The following KDM5B variants were observed in gnomAD, a reference collection of about 807,000 sequenced individuals.
KDM5B encodes lysine demethylase 5B.
KDM5B carries 144 observed loss-of-function variants against 193.4 expected under a neutral mutation model. The observed-to-expected ratio is 0.74, with a 90% CI of 0.65 to 0.86. The LOEUF (loss-of-function observed/expected upper bound fraction) is 0.86. Among genes scored for constraint, KDM5B ranks in the 40% least tolerant of loss-of-function variants. The probability of loss-of-function intolerance (pLI) is 0.00; values close to 1 mark genes in which losing one functional copy is unlikely to be tolerated. For missense variants in KDM5B, 1,833 were observed against 1,886.9 expected, an observed-to-expected ratio of 0.97 and a Z score of 0.53; for synonymous variants, 668 against 682.6, an observed-to-expected ratio of 0.98 and a Z score of 0.33.
In KDM5B at chr1:202,742,756, G is replaced by C; in HGVS notation, c.2373C>G (p.Phe791Leu). The stretch of plus-strand genomic sequence containing the variant: ...GGTGTCGCAAAAGATCATTGTCTGG[G>C]AATTTCTTCATTTCAGATTCTTCAA... Reference protein sequence around the residue: ...ALIEESEMKKFPDNDLLRHLR... With the variant: ...ALIEESEMKKLPDNDLLRHLR... Residue 791 changes from phenylalanine (F) to leucine (L), a missense_variant, in exon 17 of 27, where the codon TTC becomes TTG. Physicochemically the swap from Phe to Leu is conservative, Grantham distance 22. This residue lies in a region of KDM5B where 1,379 missense variants were observed against 1,349.6 expected (regional missense o/e 1.02). Transcript: ENST00000367265. The C allele has an allele frequency of 6.2e-7, 1 of 1,614,084 alleles. No homozygotes were observed. Among genetic ancestry groups the C allele is most frequent in the African/African-American group, 1.3e-5 (1 of 75,042 alleles).
rs190467340 is a variant in KDM5B at position 202,726,069 on chromosome 1, A to T, written c.*2967T>A. 1 of 151,788 alleles carries T rather than the reference A, an allele frequency of 6.6e-6. No individual in the cohort carries two copies. The highest frequency in any genetic ancestry group is 2.4e-5 in the African/African-American group (1 of 41,364). 9.4% of individuals were successfully genotyped at this position (151,788 alleles called of 1,614,324 possible). On this transcript the variant is annotated 3_prime_UTR_variant, in exon 27 of 27. Transcript: ENST00000367265. ...AGCCATGTTTCACCCTCTTCCAGGT[A>T]GAGATCTACTCTATTCTTAGGCTAA...
intron 5 of KDM5B, among the ~76,000 whole-genome samples, chr1:202,764,749 G>T (rs552012550): frequency 6.6e-6 from 1 of 152,344 alleles, no homozygotes; most frequent in South Asian, 2.1e-4. Flanking sequence ...GGGGGCCAAG[G>T]CAGGTGGATC....
At chr1:202,740,039 C>T (rs1223841946) in intron 20 of KDM5B, among the ~76,000 whole-genome samples, 2 of 152,180 alleles carry the variant, frequency 1.3e-5, no homozygotes, top group Non-Finnish European at 2.9e-5. Context: ...CCTCACATCC[C>T]AGTAGGGGCA....
chr1:202,741,532 C>T lies in KDM5B; in HGVS notation c.2780G>A (p.Cys927Tyr), dbSNP rs746062374. 7 of 1,614,118 alleles carry T rather than the reference C, an allele frequency of 4.3e-6. No individual in the cohort carries two copies. Among genetic ancestry groups the T allele is most frequent in the Non-Finnish European group, 5.9e-6 (7 of 1,180,048 alleles). Residue 927 changes from cysteine (C) to tyrosine (Y), a missense_variant, in exon 19 of 27, where the codon TGC becomes TAC. Coordinates refer to ENST00000367265, the MANE Select transcript of KDM5B (RefSeq NM_006618.5). ...TAAAGTAAGGGAGCTGGGGTCTAGG[C>T]AAGCTTGCTGCACCTCTTCTAGCCA... is the stretch of plus-strand genomic sequence containing the variant. Reference protein sequence around the residue: ...ARWLEEVQQACLDPSSLTLDD... With the variant: ...ARWLEEVQQAYLDPSSLTLDD...
chr1:202,731,954 A>T lies in KDM5B; in HGVS notation c.3910-15T>A, dbSNP rs1335661065. 3 of 1,537,236 alleles carry T rather than the reference A, an allele frequency of 2.0e-6. No homozygotes were observed. The African/African-American group carries it at 4.1e-5, about 21-fold the overall frequency. On this transcript the variant is annotated splice_polypyrimidine_tract_variant and intron_variant, in intron 23 of 26. Transcript: ENST00000367265. Reference sequence around the variant, plus strand: ...GGTTGAGATACCTAATGGAGGGAAAACGTTTTATAATAAAATCTCTTCAGG... The same window carrying T: ...GGTTGAGATACCTAATGGAGGGAAATCGTTTTATAATAAAATCTCTTCAGG...
chr1:202,740,483 G>T (rs1452654618), intron 20 of KDM5B, among the ~76,000 whole-genome samples, 191 bp downstream of exon 20: 1 of 141,474 alleles, frequency 7.1e-6, no homozygotes, highest in Admixed American at 7.0e-5. Flanking sequence ...CCTCCCGGAC[G>T]GGGCGGCTGG....
At chr1:202,782,838 A>C (rs1348962349) in intron 1 of KDM5B, among the ~76,000 whole-genome samples, 1 of 152,190 alleles carries the variant, frequency 6.6e-6, no homozygotes, top group Non-Finnish European at 1.5e-5. Flanking sequence ...TAAATTCCTC[A>C]CTGAGATTAT....
chr1:202,743,162 A>T (rs907035663), intron 16 of KDM5B, among the ~76,000 whole-genome samples: 3 of 152,014 alleles, frequency 2.0e-5, no homozygotes, highest in Non-Finnish European at 4.4e-5. Flanking sequence ...CACAAGCAAG[A>T]TCTCCTCTCT....
chr1:202,749,554 C>A (rs1049029569), intron 13 of KDM5B, among the ~76,000 whole-genome samples: 4 of 151,648 alleles, frequency 2.6e-5, no homozygotes, highest in Admixed American at 6.6e-5. Context: ...GAGACTGTCT[C>A]GAAAAAATTT....
At chr1:202,798,981 C>T (rs1657965052) in intron 1 of KDM5B, among the ~76,000 whole-genome samples, 1 of 152,136 alleles carries the variant, frequency 6.6e-6, no homozygotes, top group Non-Finnish European at 1.5e-5. Context: ...GATTGCACCA[C>T]TGCACTCCAG....
Position 202,742,778 on chromosome 1 carries a change from T to C in KDM5B, c.2351A>G (p.Glu784Gly), listed in dbSNP as rs1160277243. Residue 784 changes from glutamate (E) to glycine (G), a missense_variant, in exon 17 of 27, where the codon GAA (glutamate) becomes GGA (glycine). By Grantham distance (98) the Glu-to-Gly change is moderately conservative. This residue lies in a region of KDM5B where 1,379 missense variants were observed against 1,349.6 expected (regional missense o/e 1.02). Coordinates refer to ENST00000367265, the MANE Select transcript of KDM5B (RefSeq NM_006618.5). The part of the protein sequence containing the change: ...KSLVSFKALI[E>G]ESEMKKFPDN... The stretch of plus-strand genomic sequence containing the variant: ...TGGGAATTTCTTCATTTCAGATTCT[T>C]CAATTAAAGCCTTGAAGCTGACAAG... The C allele has an allele frequency of 1.2e-6, 2 of 1,614,008 alleles. No individual in the cohort carries two copies. The highest frequency in any genetic ancestry group is 2.7e-5 in the African/African-American group (2 of 74,928).
Position 202,749,145 on chromosome 1 carries a change from T to G in KDM5B, c.1822-6A>C, listed in dbSNP as rs770544602. ...CACTGTCGGCCTAATGGCAGCTGTA[T>G]CAAAACACGGAAAGAAAAAAATAAC... On this transcript the variant is annotated splice_polypyrimidine_tract_variant and splice_region_variant and intron_variant, in intron 13 of 26. Coordinates refer to ENST00000367265, the MANE Select transcript of KDM5B (RefSeq NM_006618.5). 1 of 1,603,444 alleles carries G rather than the reference T, an allele frequency of 6.2e-7. No homozygotes were observed. The highest frequency in any genetic ancestry group is 1.1e-5 in the South Asian group (1 of 89,394).
chr1:202,731,659 A>G (rs1010000587), intron 24 of KDM5B, among the ~76,000 whole-genome samples, 169 bp downstream of exon 24: 18 of 152,196 alleles, frequency 1.2e-4, no homozygotes, highest in Admixed American at 2.0e-4. Flanking sequence ...CTTTGCATTT[A>G]TAAGCCTTCA....
intron 1 of KDM5B, chr1:202,806,386 TACAGTGTGAA>T (rs1478070948): frequency 6.6e-6 from 1 of 152,220 alleles, no homozygotes; most frequent in Non-Finnish European, 1.5e-5. Context: ...GCTACATTAC[TACAGTGTGAA>T]ACATGACCTA....
intron 13 of KDM5B, 89 bp from the exon 14 acceptor site, chr1:202,749,228 A>C: frequency 1.7e-6 from 2 of 1,158,972 alleles, no homozygotes; most frequent in Non-Finnish European, 2.4e-6. Flanking sequence ...ATTACCAAAC[A>C]TCACACTATG....
intron 20 of KDM5B, among the ~76,000 whole-genome samples, chr1:202,737,007 G>T (rs1167249958): frequency 6.6e-6 from 1 of 152,038 alleles, no homozygotes; most frequent in African/African-American, 2.4e-5. Flanking sequence ...TGGTCCCTTT[G>T]TTCTATTTAT....
intron 1 of KDM5B, among the ~76,000 whole-genome samples, chr1:202,778,466 C>A (rs1403246495): frequency 6.6e-6 from 1 of 151,952 alleles, no homozygotes; most frequent in East Asian, 1.9e-4. Flanking sequence ...GGCTGTACAG[C>A]AATGTAAATG....
At chr1:202,742,934 T>A in intron 16 of KDM5B, 129 bp from the exon 17 acceptor site, 1 of 752,400 alleles carries the variant, frequency 1.3e-6, no homozygotes, top group Non-Finnish European at 2.1e-6. Flanking sequence ...TGCAATGCTT[T>A]AAATTATTAA....
intron 1 of KDM5B, among the ~76,000 whole-genome samples, chr1:202,778,315 A>G (rs1160028963): frequency 6.6e-6 from 1 of 152,196 alleles, no homozygotes; most frequent in Non-Finnish European, 1.5e-5. Flanking sequence ...ACACACACAT[A>G]TATGTATGAA....
Sources: allele counts gnomAD v4.1 joint callset (sites outside exome capture counted in the v4.1 genomes callset), GRCh38; gene constraint gnomAD v4.1.1; regional missense constraint gnomAD v4.1.1; transcripts MANE v1.5; gene names NCBI Gene and HGNC (gene_info 2026-07-23, HGNC 2026-07-21).